SAMD4B: variants seen among roughly 807,000 people sequenced by gnomAD.
The protein encoded by SAMD4B is sterile alpha motif domain containing 4B.
Under a neutral mutation model 74.5 loss-of-function variants are expected in SAMD4B, and 5 were observed. The observed-to-expected ratio is 0.07, with a 90% CI of 0.04 to 0.14. The LOEUF (loss-of-function observed/expected upper bound fraction) is 0.14, where lower values mean the gene tolerates loss of function less well. Ranked by LOEUF, SAMD4B falls within the 10% of genes least tolerant of loss-of-function variation. The pLI, the probability that SAMD4B is intolerant of heterozygous loss-of-function variation, is 1.00. For missense variants in SAMD4B, 608 were observed against 921.8 expected (o/e 0.66, Z 4.41); for synonymous variants, 373 against 374.9 (o/e 1.00, Z 0.06).
At chr19:39,380,296 T>C (rs1205714915) in intron 10 of SAMD4B, among the ~76,000 whole-genome samples, 5 of 152,348 alleles carry the variant, frequency 3.3e-5, no homozygotes, top group East Asian at 3.9e-4. Context: ...TGTACCTTGC[T>C]CCTCGCCTGT....
At chr19:39,352,429 AC>A (rs1315876015) in intron 1 of SAMD4B, 5 of 150,310 alleles carry the variant, frequency 3.3e-5, no homozygotes, top group Admixed American at 2.0e-4. Flanking sequence ...TTCGTTTCCC[AC>A]ATTTGAAAAT....
intron 2 of SAMD4B, among the ~76,000 whole-genome samples, chr19:39,356,376 GA>G (rs1257907537): frequency 6.6e-6 from 1 of 152,100 alleles, no homozygotes; most frequent in East Asian, 1.9e-4. Context: ...TCCCACTTCT[GA>G]AAAATTTTTC....
At chr19:39,361,216 G>T (rs1046681638) in intron 3 of SAMD4B, among the ~76,000 whole-genome samples, 1 of 152,060 alleles carries the variant, frequency 6.6e-6, no homozygotes, top group Non-Finnish European at 1.5e-5. Context: ...ATATTTAGCG[G>T]GATGGACCAG....
intron 1 of SAMD4B, among the ~76,000 whole-genome samples, chr19:39,343,002 C>A (rs911701597): frequency 6.6e-6 from 1 of 151,888 alleles, no homozygotes; most frequent in Non-Finnish European, 1.5e-5. Context: ...GCTTTCCTCG[C>A]AGACCCCCGC....
intron 3 of SAMD4B, among the ~76,000 whole-genome samples, chr19:39,361,658 T>G (rs1356195011): frequency 6.7e-6 from 1 of 149,452 alleles, no homozygotes; most frequent in Non-Finnish European, 1.5e-5. Flanking sequence ...GCGCGGTGGC[T>G]CACGCCTGTA....
chr19:39,370,162 T>C, intron 4 of SAMD4B, 37 bp downstream of exon 4: 1 of 1,541,488 alleles, frequency 6.5e-7, no homozygotes, highest in Non-Finnish European at 8.8e-7. Flanking sequence ...CCATGCCTAC[T>C]TGAAAAAGGT....
At chr19:39,376,646 C>T (rs1400484233) in intron 6 of SAMD4B, 59 bp from the exon 7 acceptor site, 3 of 1,573,716 alleles carry the variant, frequency 1.9e-6, no homozygotes, top group Admixed American at 1.7e-5. Flanking sequence ...TATTTGGGTA[C>T]CCCCAAATAT....
intron 1 of SAMD4B, among the ~76,000 whole-genome samples, chr19:39,353,269 G>C (rs550527650): frequency 6.6e-6 from 1 of 152,226 alleles, no homozygotes; most frequent in East Asian, 1.9e-4. Flanking sequence ...GAAGTATGCT[G>C]CCTTAAAATT....
chr19:39,386,652 C>T (rs1218025269), downstream of SAMD4B: 3 of 1,598,832 alleles, frequency 1.9e-6, no homozygotes, highest in Non-Finnish European at 2.6e-6. The surrounding 1 kb of genome is among the most constrained non-coding windows in gnomAD (Gnocchi z 6.1). Context: ...ACAACCACCA[C>T]CCTCCCTGCC....
intron 1 of SAMD4B, among the ~76,000 whole-genome samples, chr19:39,343,601 C>T (rs1276765512): frequency 1.3e-5 from 2 of 151,578 alleles, no homozygotes; most frequent in African/African-American, 2.4e-5. Flanking sequence ...CCTAAAATGC[C>T]CTAGAGATCA....
chr19:39,349,273 G>C (rs866360222), intron 1 of SAMD4B, among the ~76,000 whole-genome samples: 2 of 152,198 alleles, frequency 1.3e-5, no homozygotes, highest in Non-Finnish European at 2.9e-5. Context: ...ATCTACAGGA[G>C]TTAATTACAT....
intron 3 of SAMD4B, among the ~76,000 whole-genome samples, chr19:39,363,373 C>T (rs112702974): frequency 1.3e-5 from 2 of 152,136 alleles, no homozygotes; most frequent in Non-Finnish European, 2.9e-5. Flanking sequence ...TGTTGTACTT[C>T]TAGCTCCAAG....
chr19:39,377,965 C>A, intron 8 of SAMD4B, 141 bp downstream of exon 8: 1 of 834,580 alleles, frequency 1.2e-6, no homozygotes, highest in Non-Finnish European at 1.8e-6. Context: ...AGAGAGTAGC[C>A]AAGACAGGGT....
At chr19:39,365,892 A>G (rs568219833) in intron 3 of SAMD4B, among the ~76,000 whole-genome samples, 1 of 152,312 alleles carries the variant, frequency 6.6e-6, no homozygotes, top group East Asian at 1.9e-4. Flanking sequence ...ATGACTTTGA[A>G]TGAATGGATT....
chr19:39,348,830 A>G (rs572754472), intron 1 of SAMD4B, among the ~76,000 whole-genome samples: 24 of 152,256 alleles, frequency 1.6e-4, no homozygotes, highest in Admixed American at 5.9e-4. Context: ...AGATGTAGAG[A>G]AGCAGATATA....
intron 1 of SAMD4B, chr19:39,352,378 T>G (rs986380707): frequency 6.6e-6 from 1 of 152,022 alleles, no homozygotes; most frequent in Non-Finnish European, 1.5e-5. Flanking sequence ...ACCACAGGTA[T>G]GTCTTCTTCT....
chr19:39,353,673 C>T (rs1047739659), intron 1 of SAMD4B, among the ~76,000 whole-genome samples: 1 of 152,168 alleles, frequency 6.6e-6, no homozygotes, highest in Non-Finnish European at 1.5e-5. Context: ...ATAATCTCGG[C>T]TCACTGCAGC....
At chr19:39,348,346 A>G (rs2075821185) in intron 1 of SAMD4B, 1 of 152,238 alleles carries the variant, frequency 6.6e-6, no homozygotes, top group South Asian at 2.1e-4. Context: ...TGATGATATC[A>G]TAGACTCCTT....
At chr19:39,385,896 G>A (rs781054963), downstream of SAMD4B, 13 of 1,535,898 alleles carry the variant, frequency 8.5e-6, no homozygotes, top group East Asian at 3.1e-4. Context: ...TGGGGGTGGG[G>A]AACAAACAAG....
Sources: allele counts gnomAD v4.1 joint callset (sites outside exome capture counted in the v4.1 genomes callset), GRCh38; gene constraint gnomAD v4.1.1; non-coding constraint Gnocchi (gnomAD v3.1); transcripts MANE v1.5; gene names NCBI Gene and HGNC (gene_info 2026-07-23, HGNC 2026-07-21).